FRAS1: variants seen among roughly 807,000 people sequenced by gnomAD.
FRAS1 encodes extracellular matrix organizing protein FRAS1.
A neutral mutation model predicts 435.2 loss-of-function variants in FRAS1; 290 were observed. The ratio of observed to expected loss-of-function variants is 0.67; its 90% CI spans 0.61 to 0.73. The LOEUF is 0.73. Ranked by LOEUF, FRAS1 falls within the 30% of genes least tolerant of loss-of-function variation. The pLI, the probability that FRAS1 is intolerant of heterozygous loss-of-function variation, is 0.00. For synonymous variants in FRAS1, 1,800 were observed against 1,851.0 expected (o/e 0.97, Z 0.71); for missense variants, 4,860 against 5,001.5 (o/e 0.97, Z 0.85).
chr4:78,515,853 A>G lies in FRAS1; in HGVS notation c.10229A>G (p.Tyr3410Cys), dbSNP rs1437554453. The G allele has an allele frequency of 2.5e-6, 4 of 1,613,958 alleles. No homozygotes were observed. Among genetic ancestry groups the G allele is most frequent in the East Asian group, 2.2e-5 (1 of 44,872 alleles). Residue 3410 changes from tyrosine (Y) to cysteine (C), a missense_variant, in exon 66 of 74, where the codon TAC becomes TGC. Coordinates refer to ENST00000512123, the MANE Select transcript of FRAS1 (RefSeq NM_025074.7). ...GATAGCACTGCCCTGGGGCCTGGCT[A>G]CGATCGCCCCTTCCAGTTTGACCCC... Reference protein sequence around the residue: ...VYDSTALGPGYDRPFQFDPSV... With the variant: ...VYDSTALGPGCDRPFQFDPSV...
At chr4:78,097,963 T>C (rs914206179) in intron 2 of FRAS1, among the ~76,000 whole-genome samples, 10 of 138,458 alleles carry the variant, frequency 7.2e-5, no homozygotes, top group Non-Finnish European at 1.2e-4. Flanking sequence ...AAGAAAGAGG[T>C]CCTCAGAAGA....
chr4:78,297,279 T>A (rs534364977), intron 14 of FRAS1, among the ~76,000 whole-genome samples: 5 of 152,234 alleles, frequency 3.3e-5, no homozygotes, highest in African/African-American at 1.2e-4. Context: ...GAACTACAGA[T>A]CAATTGTGCT....
chr4:78,317,473 G>A lies in FRAS1; in HGVS notation c.1925G>A (p.Gly642Glu). Residue 642 changes from glycine to glutamate, a missense_variant, in exon 17 of 74, where the codon GGA becomes GAA. Transcript: ENST00000512123. ...CAAGGCCACTGTCTGCCCCGCTGTG[G>A]AGAGGGTTTCTACTCTGACCATGGA... ...LRQGHCLPRCGEGFYSDHGVC... is the reference protein window; with the variant it reads ...LRQGHCLPRCEEGFYSDHGVC... The A allele has an allele frequency of 6.2e-7, 1 of 1,613,850 alleles. No individual in the cohort carries two copies. The highest frequency in any genetic ancestry group is 8.5e-7 in the Non-Finnish European group (1 of 1,179,840).
At chr4:78,276,090 C>A (rs1426822991) in intron 9 of FRAS1, among the ~76,000 whole-genome samples, 2 of 152,238 alleles carry the variant, frequency 1.3e-5, no homozygotes, top group African/African-American at 2.4e-5. Context: ...GATACTCTTT[C>A]TTCCAGTTGA....
In FRAS1 at chr4:78,432,567, G is replaced by C. The variant is rs758396575; in HGVS notation, c.5180G>C (p.Ser1727Thr). The change falls in exon 38 of 74, where the codon AGC (serine) becomes ACC (threonine). Residue 1727 changes from serine (S) to threonine (T), a missense_variant. Transcript: ENST00000512123. ...CTGAGCATTACTGTTGCCAGTAAAA[G>C]CACAGCCATAATCACTAGGTCACAC... ...SSLSITVASK[S>T]TAIITRSHLA... The C allele has an allele frequency of 1.2e-6, 2 of 1,609,718 alleles. No individual in the cohort carries two copies. Among genetic ancestry groups the C allele is most frequent in the East Asian group, 2.2e-5 (1 of 44,834 alleles).
At chr4:78,140,297 ACTGT>A (rs1327195176) in intron 2 of FRAS1, among the ~76,000 whole-genome samples, 4 of 151,988 alleles carry the variant, frequency 2.6e-5, no homozygotes, top group Admixed American at 2.0e-4. Flanking sequence ...CAAATTTCTA[ACTGT>A]CTGTTTTTTT....
chr4:78,396,859 G>C (rs184808333), intron 29 of FRAS1, among the ~76,000 whole-genome samples: 4 of 152,162 alleles, frequency 2.6e-5, no homozygotes. Context: ...TCTGGAATTT[G>C]AGTTGTTCTT....
At chr4:78,448,374 C>T (rs867690086) in intron 44 of FRAS1, 58 bp downstream of exon 44, 26 of 1,465,534 alleles carry the variant, frequency 1.8e-5, no homozygotes, top group Middle Eastern at 2.4e-4. Context: ...TCTTCTTTGT[C>T]CAGTATGCAG....
chr4:78,507,573 G>A lies in FRAS1; in HGVS notation c.9469G>A (p.Ala3157Thr), dbSNP rs775750192. The A allele has an allele frequency of 2.5e-6, 4 of 1,604,564 alleles. No individual in the cohort carries two copies. Among genetic ancestry groups the A allele is most frequent in the South Asian group, 2.3e-5 (2 of 88,576 alleles). ...CACGGTGACAATTCTAGACCAGGAG[G>A]CAGCAGGGAGCCTCATATTGCCAGC... ...TATVTILDQEAAGSLILPAPP... is the reference protein window; with the variant it reads ...TATVTILDQETAGSLILPAPP... The change falls in exon 62 of 74, where the codon GCA becomes ACA. Residue 3157 changes from alanine to threonine, a missense_variant. Physicochemically the swap from Ala to Thr is moderately conservative, Grantham distance 58. Transcript: ENST00000512123.
intron 18 of FRAS1, chr4:78,319,501 A>G: frequency 1.1e-5 from 5 of 451,280 alleles, no homozygotes; most frequent in South Asian, 7.8e-5. Context: ...AGGAGATGAA[A>G]GGGAAGTATT....
At chr4:78,498,517 A>G (rs78706638) in intron 60 of FRAS1, among the ~76,000 whole-genome samples, 1 of 151,254 alleles carries the variant, frequency 6.6e-6, no homozygotes, top group Non-Finnish European at 1.5e-5. Context: ...AAAGAAAAAA[A>G]AAAAAAAAGA....
At chr4:78,165,097 T>C (rs1425499078) in intron 2 of FRAS1, among the ~76,000 whole-genome samples, 1 of 152,192 alleles carries the variant, frequency 6.6e-6, no homozygotes, top group Non-Finnish European at 1.5e-5. Flanking sequence ...AGTCCCGCAC[T>C]TTTTTTCAAA....
chr4:78,074,798 G>A (rs952464261), intron 2 of FRAS1, among the ~76,000 whole-genome samples: 9 of 152,128 alleles, frequency 5.9e-5, no homozygotes, highest in African/African-American at 2.2e-4. Flanking sequence ...AACAAGTTGA[G>A]AAATAAAACA....
intron 23 of FRAS1, among the ~76,000 whole-genome samples, chr4:78,372,322 A>G (rs1253825278): frequency 6.6e-6 from 1 of 152,080 alleles, no homozygotes; most frequent in Non-Finnish European, 1.5e-5. Context: ...TTACCTATTG[A>G]GCATTGAGTA....
At chr4:78,271,484 G>T (rs975888914) in intron 9 of FRAS1, among the ~76,000 whole-genome samples, 8 of 152,074 alleles carry the variant, frequency 5.3e-5, no homozygotes, top group Non-Finnish European at 1.0e-4. Flanking sequence ...CCCACAACAG[G>T]GCCTGGTGTG....
At chr4:78,105,237 G>A (rs1742338735) in intron 2 of FRAS1, among the ~76,000 whole-genome samples, 1 of 152,096 alleles carries the variant, frequency 6.6e-6, no homozygotes, top group Admixed American at 6.6e-5. Flanking sequence ...TTCCACATCT[G>A]CTCTGGACTG....
At position 78,268,730 on chromosome 4, in the gene FRAS1, G is replaced by T. The variant is rs375362401; in HGVS notation, c.981+1298G>T. Among the ~76,000 whole-genome samples, 253 of 152,298 alleles carry T rather than the reference G, an allele frequency of 1.7e-3. 3 individuals are homozygous for T. The South Asian group carries it at 0.029, about 18-fold the overall frequency. The stretch of plus-strand genomic sequence containing the variant: ...TTTAGCACATATCCCTAGCATTTCT[G>T]CATTTCCATGTGCCTGTCTGCTGCT... On this transcript the variant is annotated intron_variant, in intron 9 of 73. Transcript: ENST00000512123.
At chr4:78,253,487 T>C (rs1013152773) in intron 5 of FRAS1, among the ~76,000 whole-genome samples, 2 of 152,206 alleles carry the variant, frequency 1.3e-5, no homozygotes, top group Non-Finnish European at 1.5e-5. Context: ...AGAGAGGTGA[T>C]AAATGTCCAT....
intron 2 of FRAS1, among the ~76,000 whole-genome samples, chr4:78,091,425 C>A (rs1236147486): frequency 2.6e-5 from 4 of 152,030 alleles, no homozygotes; most frequent in Non-Finnish European, 4.4e-5. Context: ...TTTCTTAAAA[C>A]TCTGTGTCAC....
Sources: allele counts gnomAD v4.1 joint callset (sites outside exome capture counted in the v4.1 genomes callset), GRCh38; gene constraint gnomAD v4.1.1; transcripts MANE v1.5; gene names NCBI Gene and HGNC (gene_info 2026-07-23, HGNC 2026-07-21).